RBFOX1: variants seen among roughly 807,000 people sequenced by gnomAD.
RBFOX1 encodes the protein RNA binding fox-1 homolog 1.
Under a neutral mutation model 57.7 loss-of-function variants are expected in RBFOX1, and 8 were observed. The ratio of observed to expected loss-of-function variants is 0.14; its 90% confidence interval spans 0.08 to 0.25. RBFOX1 has a LOEUF of 0.25. Among genes scored for constraint, RBFOX1 ranks in the 10% least tolerant of loss-of-function variants. The pLI, the probability that RBFOX1 is intolerant of heterozygous loss-of-function variation, is 1.00. For missense variants in RBFOX1, 611 were observed against 548.5 expected, an observed-to-expected ratio of 1.11 and a Z score of -1.14; for synonymous variants, 326 against 222.4, an observed-to-expected ratio of 1.47 and a Z score of -4.15.
chr16:7,178,666 C>G (rs988741653), intron 4 of RBFOX1, among the ~76,000 whole-genome samples: 1 of 152,082 alleles, frequency 6.6e-6, no homozygotes, highest in African/African-American at 2.4e-5. Flanking sequence ...GCACCTTTTA[C>G]TTTATTATAC....
chr16:6,466,993 T>G (rs2095064023), intron 2 of RBFOX1, among the ~76,000 whole-genome samples: 1 of 151,474 alleles, frequency 6.6e-6, no homozygotes, highest in African/African-American at 2.4e-5. Context: ...AAATATAAAT[T>G]AATTACATTT....
At chr16:5,263,289 CTG>C (rs1192223826) in intron 1 of RBFOX1, among the ~76,000 whole-genome samples, 1 of 151,994 alleles carries the variant, frequency 6.6e-6, no homozygotes, top group Non-Finnish European at 1.5e-5. Context: ...AAAATAATTG[CTG>C]TTTTTGCCAT....
intron 14 of RBFOX1, among the ~76,000 whole-genome samples, chr16:7,682,837 T>C (rs59026540): frequency 0.025 from 3,739 of 149,362 alleles, 134 homozygotes; most frequent in East Asian, 0.18. Context: ...CATTTTGTTG[T>C]TGTTGTTTTT....
chr16:6,477,218 C>G (rs529961096), intron 2 of RBFOX1, among the ~76,000 whole-genome samples: 1 of 152,326 alleles, frequency 6.6e-6, no homozygotes, highest in South Asian at 2.1e-4. Flanking sequence ...TTAATGGCAT[C>G]TCAAAAGCGA....
Position 7,531,506 on chromosome 16 carries a change from A to G in RBFOX1, c.270+13117A>G, listed in dbSNP as rs554349289. Among the ~76,000 whole-genome samples the G allele has an allele frequency of 2.0e-5, 3 of 152,312 alleles. No homozygotes were observed. In the South Asian group the frequency reaches 6.2e-4, roughly 32 times the overall value. On this transcript the variant is annotated intron_variant, in intron 5 of 15. Coordinates refer to ENST00000550418, the MANE Select transcript of RBFOX1 (RefSeq NM_018723.4). The stretch of plus-strand genomic sequence containing the variant: ...GAAATCAAGGATGTTGCCCAAGGTC[A>G]CAAGGCTGATAAGGGCAGAGATGGG...
chr16:5,291,315 T>G (rs1249805113), intron 1 of RBFOX1, among the ~76,000 whole-genome samples: 4 of 138,752 alleles, frequency 2.9e-5, no homozygotes, highest in African/African-American at 8.4e-5. Context: ...CAGGCTGGAG[T>G]GCAGTGACGC....
chr16:5,613,455 A>G (rs576361496), intron 3 of RBFOX1, among the ~76,000 whole-genome samples: 1 of 152,308 alleles, frequency 6.6e-6, no homozygotes, highest in East Asian at 1.9e-4. Flanking sequence ...CTGATGGCAC[A>G]GGGTTGCAGC....
At chr16:6,964,276 C>T (rs1236926169) in intron 3 of RBFOX1, among the ~76,000 whole-genome samples, 1 of 152,210 alleles carries the variant, frequency 6.6e-6, no homozygotes, top group Non-Finnish European at 1.5e-5. Flanking sequence ...CCCTCGACCT[C>T]CCAAAGTGGT....
chr16:5,273,076 T>A (rs1596358679), intron 1 of RBFOX1, among the ~76,000 whole-genome samples: 1 of 152,266 alleles, frequency 6.6e-6, no homozygotes, highest in East Asian at 1.9e-4. Flanking sequence ...GCTGCCCACT[T>A]AGAGAAAGAG....
intron 3 of RBFOX1, among the ~76,000 whole-genome samples, chr16:6,770,510 A>G (rs1430567367): frequency 6.6e-6 from 1 of 152,210 alleles, no homozygotes; most frequent in African/African-American, 2.4e-5. Context: ...ATAGCCCTGC[A>G]AGTCGAAAAT....
intron 1 of RBFOX1, among the ~76,000 whole-genome samples, chr16:5,377,347 C>A (rs552364139): frequency 6.6e-6 from 1 of 151,276 alleles, no homozygotes; most frequent in African/African-American, 2.5e-5. Context: ...AAGAAAGCCC[C>A]CTTGAGATGG....
chr16:5,841,434 G>C (rs933159673), intron 3 of RBFOX1, among the ~76,000 whole-genome samples: 1 of 152,120 alleles, frequency 6.6e-6, no homozygotes. Flanking sequence ...CCGAGAGCAA[G>C]GGAGGGCCCA....
At chr16:6,495,385 C>T (rs1204339889) in intron 2 of RBFOX1, among the ~76,000 whole-genome samples, 1 of 148,266 alleles carries the variant, frequency 6.7e-6, no homozygotes, top group Non-Finnish European at 1.5e-5. Context: ...CCCGCCTTGG[C>T]CTCCCTAAGT....
chr16:7,632,565 C>T (rs553996504), intron 11 of RBFOX1, among the ~76,000 whole-genome samples: 1 of 152,186 alleles, frequency 6.6e-6, no homozygotes, highest in Non-Finnish European at 1.5e-5. Flanking sequence ...CTTCAGCTAC[C>T]TTTCTGAGTC....
At chr16:5,326,569 A>G (rs2064579554) in intron 1 of RBFOX1, among the ~76,000 whole-genome samples, 1 of 152,184 alleles carries the variant, frequency 6.6e-6, no homozygotes, top group South Asian at 2.1e-4. Flanking sequence ...TCTAGACTTC[A>G]TTATCACAGA....
In RBFOX1 at chr16:6,581,723, G is replaced by A. The variant is rs549457985; in HGVS notation, c.-63-72880G>A. Reference sequence around the variant, plus strand: ...TTAGCTCCTTAATGAGGGACTCACAGCTGTGTTTATGGAGGTCACCTGGAA... The same window carrying A: ...TTAGCTCCTTAATGAGGGACTCACAACTGTGTTTATGGAGGTCACCTGGAA... On this transcript the variant is annotated intron_variant, in intron 2 of 15. Transcript: ENST00000550418. Among the ~76,000 whole-genome samples the A allele has an allele frequency of 3.9e-5, 6 of 152,316 alleles. No individual in the cohort carries two copies. In the East Asian group the frequency reaches 1.2e-3, roughly 29 times the overall value.
intron 4 of RBFOX1, among the ~76,000 whole-genome samples, chr16:7,053,593 A>T (rs569495483): frequency 6.6e-6 from 1 of 152,212 alleles, no homozygotes; most frequent in African/African-American, 2.4e-5. Flanking sequence ...TGCAAATGAC[A>T]CTTGCTTGGC....
chr16:7,620,964 T>C (rs562770288), intron 10 of RBFOX1, among the ~76,000 whole-genome samples: 1 of 152,188 alleles, frequency 6.6e-6, no homozygotes, highest in Non-Finnish European at 1.5e-5. Context: ...GAGGTTCCTA[T>C]GTAATCCCTA....
chr16:6,981,977 T>A (rs1395856381), intron 3 of RBFOX1, among the ~76,000 whole-genome samples: 1 of 152,228 alleles, frequency 6.6e-6, no homozygotes, highest in Non-Finnish European at 1.5e-5. Flanking sequence ...AAAATACAAA[T>A]AAGCCTCCAA....
Sources: gnomAD v4.1 joint callset for allele counts (sites outside exome capture counted in the v4.1 genomes callset) on GRCh38, gnomAD v4.1.1 for gene constraint, MANE v1.5 for transcripts, NCBI Gene and HGNC (gene_info 2026-07-23, HGNC 2026-07-21) for gene names.